The following SLC12A6 variants were observed in gnomAD, a reference collection of about 807,000 sequenced individuals.
SLC12A6 encodes the protein K-Cl cotransporter 3.
A neutral mutation model predicts 135.3 loss-of-function variants in SLC12A6; 66 were observed. The ratio of observed to expected loss-of-function variants is 0.49; its 90% confidence interval spans 0.40 to 0.60. The LOEUF is 0.60. Among genes scored for constraint, SLC12A6 ranks in the 20% least tolerant of loss-of-function variants. SLC12A6 has a pLI of 0.00. For synonymous variants in SLC12A6, 513 were observed against 508.8 expected, an observed-to-expected ratio of 1.01 and a Z score of -0.11; for missense variants, 1,058 against 1,452.3, an observed-to-expected ratio of 0.73 and a Z score of 4.41.
intron 2 of SLC12A6, chr15:34,318,784 CT>C: frequency 6.3e-7 from 1 of 1,579,556 alleles, no homozygotes; most frequent in Non-Finnish European, 8.6e-7. Flanking sequence ...TGATCCCTGC[CT>C]ACAAGAGACA....
intron 2 of SLC12A6, among the ~76,000 whole-genome samples, chr15:34,329,321 G>A (rs554697247): frequency 9.2e-5 from 14 of 152,298 alleles, no homozygotes; most frequent in South Asian, 8.3e-4. Context: ...TGTTAGACAC[G>A]AAGGGCAAAA....
intron 2 of SLC12A6, among the ~76,000 whole-genome samples, chr15:34,335,480 T>C (rs1890136248): frequency 6.6e-6 from 1 of 152,260 alleles, no homozygotes; most frequent in South Asian, 2.1e-4. Context: ...ATTTTAAGAG[T>C]CTTTAAGGGA....
In SLC12A6 at chr15:34,239,051, C is replaced by G. The variant is rs778703405; in HGVS notation, c.2546G>C (p.Gly849Ala). ...ISHLIQSCGL[G>A]GMKHNTVVMG... Reference sequence around the variant, plus strand: ...CACCACCGTGTTGTGCTTCATGCCCCCAAGGCCACATGACTGGATGAGGTG... The same window carrying G: ...CACCACCGTGTTGTGCTTCATGCCCGCAAGGCCACATGACTGGATGAGGTG... The change falls in exon 20 of 26, where the codon GGG (glycine) becomes GCG (alanine). Residue 849 changes from glycine to alanine, a missense_variant. Gly to Ala is a moderately conservative substitution (Grantham distance 60). Transcript: ENST00000354181. The G allele has an allele frequency of 6.2e-7, 1 of 1,614,184 alleles. No individual in the cohort carries two copies. The highest frequency in any genetic ancestry group is 1.1e-5 in the South Asian group (1 of 91,076).
intron 2 of SLC12A6, among the ~76,000 whole-genome samples, chr15:34,322,958 G>A (rs1268148880): frequency 3.7e-5 from 4 of 108,758 alleles, no homozygotes; most frequent in African/African-American, 7.7e-5. Context: ...CAGCCTGGGC[G>A]ACAGAGTGAA....
At chr15:34,282,951 C>T (rs573440988) in intron 2 of SLC12A6, among the ~76,000 whole-genome samples, 26 of 152,182 alleles carry the variant, frequency 1.7e-4, no homozygotes, top group African/African-American at 5.8e-4. Context: ...AATATCTGAG[C>T]GACTAATAAG....
chr15:34,295,506 T>G (rs1895820506), intron 2 of SLC12A6, among the ~76,000 whole-genome samples: 1 of 152,232 alleles, frequency 6.6e-6, no homozygotes, highest in African/African-American at 2.4e-5. Context: ...TTTAGGTAGC[T>G]GGGCATATTT....
At position 34,233,836 on chromosome 15, in the gene SLC12A6, T is replaced by C. The variant is rs1424980325; in HGVS notation, c.*45A>G. The C allele has an allele frequency of 9.0e-6, 9 of 1,000,188 alleles. No homozygotes were observed. The highest frequency in any genetic ancestry group is 1.7e-5 in the Admixed American group (1 of 59,196). 62.0% of individuals were successfully genotyped at this position (1,000,188 alleles called of 1,614,324 possible). On this transcript the variant is annotated 3_prime_UTR_variant, in exon 26 of 26. Transcript: ENST00000354181. ...TGAGCTGGCACTTCCATGGAGGACG[T>C]AGGCCTTTTAAGAAAACAGGTCAAG...
intron 1 of SLC12A6, 52 bp from the exon 2 acceptor site, chr15:34,336,804 C>A: frequency 1.3e-6 from 1 of 789,744 alleles, no homozygotes; most frequent in Non-Finnish European, 2.2e-6. Flanking sequence ...AACCTTGATT[C>A]ACACCACACA....
At chr15:34,303,796 A>G (rs1466287584) in intron 2 of SLC12A6, among the ~76,000 whole-genome samples, 2 of 152,170 alleles carry the variant, frequency 1.3e-5, no homozygotes, top group Admixed American at 6.5e-5. Flanking sequence ...AGATGCAGCA[A>G]GAAGGCCCTC....
intron 18 of SLC12A6, 180 bp downstream of exon 18, chr15:34,241,045 GTAGAAATC>G (rs1891608603): frequency 7.7e-6 from 5 of 652,954 alleles, no homozygotes; most frequent in Non-Finnish European, 1.1e-5. Context: ...ATAATAAATT[GTAGAAATC>G]TTGATCATAA....
At chr15:34,244,841 A>G (rs1388788746) in intron 15 of SLC12A6, among the ~76,000 whole-genome samples, 1 of 152,162 alleles carries the variant, frequency 6.6e-6, no homozygotes, top group Non-Finnish European at 1.5e-5. Context: ...TAGGGCACTC[A>G]GTGTTCACCT....
At chr15:34,322,978 C>CAAAA (rs1218702689) in intron 2 of SLC12A6, among the ~76,000 whole-genome samples, 8 of 39,010 alleles carry the variant, frequency 2.1e-4, no homozygotes, top group East Asian at 5.5e-4. Context: ...AACTCTGTCT[C>CAAAA]AAAAAAAAAA....
chr15:34,245,134 T>G (rs1280159027), intron 15 of SLC12A6, 151 bp downstream of exon 15: 1 of 677,130 alleles, frequency 1.5e-6, no homozygotes, highest in African/African-American at 1.8e-5. Context: ...TTAGCCTTAC[T>G]TGGAAGTTCT....
intron 22 of SLC12A6, chr15:34,237,153 AC>A: frequency 4.3e-6 from 2 of 467,612 alleles, no homozygotes. Flanking sequence ...ATTTCATAAA[AC>A]TATATTAAGC....
chr15:34,264,893 A>C (rs1893390576), intron 3 of SLC12A6, among the ~76,000 whole-genome samples: 1 of 152,210 alleles, frequency 6.6e-6, no homozygotes, highest in African/African-American at 2.4e-5. Context: ...TGGCTCCAGA[A>C]AATTCTAAAG....
At chr15:34,263,643 C>T (rs1027007514) in intron 3 of SLC12A6, among the ~76,000 whole-genome samples, 2 of 150,894 alleles carry the variant, frequency 1.3e-5, no homozygotes, top group Non-Finnish European at 2.9e-5. Context: ...ATTACAGAGT[C>T]TGGAAGGAGA....
intron 2 of SLC12A6, among the ~76,000 whole-genome samples, chr15:34,285,145 A>G (rs1338661843): frequency 6.6e-6 from 1 of 152,236 alleles, no homozygotes; most frequent in African/African-American, 2.4e-5. Context: ...TTTCTGTTTT[A>G]ACATGATCAC....
At chr15:34,296,787 G>A (rs1201800705) in intron 2 of SLC12A6, among the ~76,000 whole-genome samples, 1 of 152,162 alleles carries the variant, frequency 6.6e-6, no homozygotes, top group African/African-American at 2.4e-5. Context: ...AGCTCATGTG[G>A]TTATGGAATC....
chr15:34,337,823 C>CT (rs1890298991), upstream of SLC12A6: 1 of 152,228 alleles, frequency 6.6e-6, no homozygotes, highest in Non-Finnish European at 1.5e-5. Flanking sequence ...GCTGCCGGGG[C>CT]TGGCGCCCCC....
Sources: gnomAD v4.1 joint callset for allele counts (sites outside exome capture counted in the v4.1 genomes callset) on GRCh38, gnomAD v4.1.1 for gene constraint, MANE v1.5 for transcripts, NCBI Gene and HGNC (gene_info 2026-07-23, HGNC 2026-07-21) for gene names.